Variants in CFAP96 observed in about 807,000 individuals in gnomAD.
CFAP96 encodes the protein cilia and flagella associated protein 96, also known as cilia-and flagella-associated protein 96.
chr4:185,440,682 T>C, the CFAP96 span: 16 of 1,494,444 alleles, frequency 1.1e-5, no homozygotes, highest in East Asian at 4.0e-4. Context: ...AAGAAAACAA[T>C]TTCAAATACT....
the CFAP96 span, among the ~76,000 whole-genome samples, chr4:185,414,586 C>T: frequency 3.3e-5 from 5 of 152,088 alleles, no homozygotes; most frequent in Non-Finnish European, 7.4e-5. Flanking sequence ...GAAGATGCTC[C>T]ACGGTCTAAT....
chr4:185,440,605 G>A, the CFAP96 span: 3 of 1,534,388 alleles, frequency 2.0e-6, no homozygotes, highest in Admixed American at 2.1e-5. Context: ...TTCACCCAAG[G>A]GACTATTTTG....
chr4:185,412,883 T>C, the CFAP96 span, among the ~76,000 whole-genome samples: 8 of 152,262 alleles, frequency 5.3e-5, no homozygotes, highest in African/African-American at 1.2e-4. Context: ...CTGGCCTCCA[T>C]GTATCCTTAA....
chr4:185,432,716 G>C, the CFAP96 span, among the ~76,000 whole-genome samples: 1 of 152,028 alleles, frequency 6.6e-6, no homozygotes, highest in South Asian at 2.1e-4. Context: ...TAAAAAATTA[G>C]CTAGGTGTGG....
chr4:185,438,904 T>C, the CFAP96 span, among the ~76,000 whole-genome samples: 2 of 152,212 alleles, frequency 1.3e-5, no homozygotes, highest in Admixed American at 1.3e-4. Context: ...TTCCCAGCTC[T>C]GTGTGAGAGC....
the CFAP96 span, chr4:185,425,917 CGGGG>C: frequency 6.3e-7 from 1 of 1,575,444 alleles, no homozygotes. Context: ...CCAAAAGTTC[CGGGG>C]GCCGGCCCTG....
At chr4:185,413,178 G>T in the CFAP96 span, among the ~76,000 whole-genome samples, 1 of 151,844 alleles carries the variant, frequency 6.6e-6, no homozygotes, top group Non-Finnish European at 1.5e-5. Flanking sequence ...GGTGGCAGGT[G>T]CCTGTAACCC....
chr4:185,443,342 A>ATTTTTTTTTT, the CFAP96 span, among the ~76,000 whole-genome samples: 9 of 26,726 alleles, frequency 3.4e-4, no homozygotes, highest in African/African-American at 1.0e-3. Flanking sequence ...ATATATATAT[A>ATTTTTTTTTT]TTTTTTTTTT....
At chr4:185,422,751 G>T in the CFAP96 span, among the ~76,000 whole-genome samples, 1 of 152,134 alleles carries the variant, frequency 6.6e-6, no homozygotes, top group Non-Finnish European at 1.5e-5. Context: ...TAAATCAGGG[G>T]TTCTCAACCT....
At chr4:185,425,837 A>G in the CFAP96 span, 2 of 1,600,616 alleles carry the variant, frequency 1.2e-6, no homozygotes, top group South Asian at 2.2e-5. Context: ...GGAAAAACAC[A>G]GGGGTCGGTG....
the CFAP96 span, among the ~76,000 whole-genome samples, chr4:185,420,543 A>G: frequency 6.6e-6 from 1 of 152,166 alleles, no homozygotes; most frequent in Non-Finnish European, 1.5e-5. Flanking sequence ...TATCTTGATA[A>G]ATAAATACTT....
At chr4:185,445,501 C>A in the CFAP96 span, 1 of 1,572,076 alleles carries the variant, frequency 6.4e-7, no homozygotes, top group East Asian at 2.2e-5. Flanking sequence ...CTTGAGGAAT[C>A]CTAATGATGC....
chr4:185,443,342 A>ATTTTTTTTTTTT, the CFAP96 span, among the ~76,000 whole-genome samples: 5 of 26,730 alleles, frequency 1.9e-4, no homozygotes, highest in African/African-American at 3.5e-4. Context: ...ATATATATAT[A>ATTTTTTTTTTTT]TTTTTTTTTT....
At chr4:185,422,548 T>C in the CFAP96 span, 2 of 1,608,630 alleles carry the variant, frequency 1.2e-6, no homozygotes, top group Admixed American at 1.7e-5. Context: ...AGTATATCCA[T>C]ACTTTCTGAA....
At chr4:185,443,489 C>G in the CFAP96 span, among the ~76,000 whole-genome samples, 2 of 150,862 alleles carry the variant, frequency 1.3e-5, no homozygotes, top group Non-Finnish European at 1.5e-5. Context: ...GCTGGGATTA[C>G]AGGAGTGTGC....
At chr4:185,432,172 A>G in the CFAP96 span, 1 of 1,551,776 alleles carries the variant, frequency 6.4e-7, no homozygotes, top group Non-Finnish European at 8.7e-7. Context: ...TAGGCAAAGC[A>G]TTCCTCCCTA....
chr4:185,447,120 A>G, the CFAP96 span, among the ~76,000 whole-genome samples: 4 of 152,078 alleles, frequency 2.6e-5, no homozygotes, highest in African/African-American at 4.8e-5. Flanking sequence ...TAGTCATTCC[A>G]TATATGTTAT....
the CFAP96 span, among the ~76,000 whole-genome samples, chr4:185,428,166 A>G: frequency 2.0e-5 from 3 of 152,084 alleles, no homozygotes; most frequent in African/African-American, 7.2e-5. Context: ...TCACTTATGT[A>G]TGCCCAGTGC....
chr4:185,440,676 A>G, the CFAP96 span: 1 of 1,499,492 alleles, frequency 6.7e-7, no homozygotes, highest in Non-Finnish European at 9.0e-7. Flanking sequence ...GAGAAGAAGA[A>G]AACAATTTCA....
Sources: gnomAD v4.1 joint callset for allele counts (sites outside exome capture counted in the v4.1 genomes callset) on GRCh38, gnomAD v4.1.1 for gene constraint, MANE v1.5 for transcripts, NCBI Gene and HGNC (gene_info 2026-07-23, HGNC 2026-07-21) for gene names.